The following LRRTM4 variants were observed in gnomAD, a reference collection of about 807,000 sequenced individuals.
LRRTM4 encodes the protein leucine-rich repeat transmembrane neuronal protein 4.
A neutral mutation model predicts 47.6 loss-of-function variants in LRRTM4; 25 were observed. The observed-to-expected ratio is 0.53, with a 90% CI of 0.38 to 0.73. The LOEUF is 0.73. Ranked by LOEUF, LRRTM4 falls within the 30% of genes least tolerant of loss-of-function variation. LRRTM4 has a pLI of 0.00. For missense variants in LRRTM4, 638 were observed against 713.4 expected, an observed-to-expected ratio of 0.89 and a Z score of 1.20; for synonymous variants, 311 against 269.5, an observed-to-expected ratio of 1.15 and a Z score of -1.51.
intron 3 of LRRTM4, among the ~76,000 whole-genome samples, chr2:76,930,063 G>C (rs1486074432): frequency 6.6e-6 from 1 of 152,010 alleles, no homozygotes; most frequent in Non-Finnish European, 1.5e-5. Flanking sequence ...TCTGCAGAAA[G>C]ATTGGAGATC....
At chr2:77,200,935 A>G (rs936478594) in intron 3 of LRRTM4, among the ~76,000 whole-genome samples, 3 of 152,118 alleles carry the variant, frequency 2.0e-5, no homozygotes, top group African/African-American at 7.2e-5. Context: ...CATGCCCACC[A>G]CTAGCCAAAA....
intron 3 of LRRTM4, among the ~76,000 whole-genome samples, chr2:77,053,720 T>C (rs750576458): frequency 2.5e-4 from 38 of 152,128 alleles, no homozygotes; most frequent in African/African-American, 7.2e-4. Context: ...AAAAGGAACA[T>C]TGGGTACACA....
At chr2:77,511,348 A>C (rs530044438) in intron 3 of LRRTM4, among the ~76,000 whole-genome samples, 2 of 152,168 alleles carry the variant, frequency 1.3e-5, no homozygotes, top group East Asian at 3.9e-4. Flanking sequence ...AGAAATATTT[A>C]TAGAAGATAC....
intron 3 of LRRTM4, among the ~76,000 whole-genome samples, chr2:76,875,798 T>C (rs1211766298): frequency 6.6e-6 from 1 of 152,162 alleles, no homozygotes; most frequent in Non-Finnish European, 1.5e-5. Context: ...TTGCTAGTCA[T>C]TTCATATCCT....
chr2:77,321,554 G>A lies in LRRTM4; in HGVS notation c.1551+196764C>T, dbSNP rs1024273475. Among the ~76,000 whole-genome samples the A allele has an allele frequency of 2.1e-4, 20 of 94,062 alleles. 1 individual carries two copies. The highest frequency in any genetic ancestry group is 1.7e-3 in the South Asian group (4 of 2,420). 61.7% of individuals were successfully genotyped at this position (94,062 alleles called of 152,430 possible). ...AATAAGTGTTGGCTAAATCGGGGAG[G>A]GGGGGGGGTGTGTGAAAGAAAAGAA... On this transcript the variant is annotated intron_variant, in intron 3 of 3. Coordinates refer to ENST00000409884, the MANE Select transcript of LRRTM4 (RefSeq NM_001134745.3).
intron 3 of LRRTM4, among the ~76,000 whole-genome samples, chr2:76,880,678 G>C (rs1390360380): frequency 6.6e-6 from 1 of 152,112 alleles, no homozygotes; most frequent in Non-Finnish European, 1.5e-5. Flanking sequence ...GAAGAAGTCA[G>C]GTGTTTCAAA....
intron 3 of LRRTM4, among the ~76,000 whole-genome samples, chr2:77,277,232 T>C (rs917928582): frequency 1.3e-5 from 2 of 152,052 alleles, no homozygotes; most frequent in Non-Finnish European, 2.9e-5. Context: ...ACAGAGGACA[T>C]AATTTCTGAG....
intron 3 of LRRTM4, among the ~76,000 whole-genome samples, chr2:77,457,028 A>G (rs1477958195): frequency 8.4e-5 from 2 of 23,674 alleles, no homozygotes; most frequent in Admixed American, 4.3e-4. Context: ...ATATATATAT[A>G]TATATATATA....
intron 3 of LRRTM4, among the ~76,000 whole-genome samples, chr2:76,892,401 T>C (rs1427017821): frequency 1.3e-5 from 2 of 151,776 alleles, no homozygotes; most frequent in Non-Finnish European, 3.0e-5. Flanking sequence ...ATTACTATTA[T>C]TTTAGAAACA....
At chr2:77,130,984 G>A (rs1299030102) in intron 3 of LRRTM4, among the ~76,000 whole-genome samples, 5 of 146,630 alleles carry the variant, frequency 3.4e-5, no homozygotes, top group East Asian at 2.0e-4. Context: ...ACAGGCGCCC[G>A]CCACTACGCC....
chr2:77,411,962 T>G (rs1674459318), intron 3 of LRRTM4, among the ~76,000 whole-genome samples: 1 of 152,178 alleles, frequency 6.6e-6, no homozygotes, highest in African/African-American at 2.4e-5. Context: ...TGCTTTCCTC[T>G]TGCTTCTCTC....
intron 3 of LRRTM4, among the ~76,000 whole-genome samples, chr2:76,861,705 T>C (rs1014904110): frequency 2.6e-5 from 4 of 152,156 alleles, no homozygotes; most frequent in Non-Finnish European, 5.9e-5. Context: ...CTTAATATAA[T>C]GCAATAATCC....
chr2:77,435,727 C>T (rs1675566312), intron 3 of LRRTM4, among the ~76,000 whole-genome samples: 1 of 152,090 alleles, frequency 6.6e-6, no homozygotes, highest in South Asian at 2.1e-4. Context: ...TTCCTCAATT[C>T]AAGATGTTAA....
chr2:77,158,954 A>T (rs1005242795), intron 3 of LRRTM4, among the ~76,000 whole-genome samples: 2 of 152,148 alleles, frequency 1.3e-5, no homozygotes, highest in Non-Finnish European at 2.9e-5. Context: ...TCACTCCGTG[A>T]ATATTCTTGA....
In LRRTM4 at chr2:77,247,858, T is replaced by A. The variant is rs149482307; in HGVS notation, c.1551+270460A>T. Among the ~76,000 whole-genome samples the A allele has an allele frequency of 4.4e-3, 670 of 151,834 alleles. 4 individuals carry two copies. Among genetic ancestry groups the A allele is most frequent in the African/African-American group, 0.015 (639 of 41,512 alleles). On this transcript the variant is annotated intron_variant, in intron 3 of 3. Transcript: ENST00000409884. ...TTGCACTTTTATATTTAGTTCTTCATGTAAATGCAATTGATGATTTTAAAA... is the reference window on the plus strand; with the variant it reads ...TTGCACTTTTATATTTAGTTCTTCAAGTAAATGCAATTGATGATTTTAAAA...
intron 3 of LRRTM4, among the ~76,000 whole-genome samples, chr2:77,054,058 G>A (rs1350619096): frequency 6.6e-6 from 1 of 152,114 alleles, no homozygotes; most frequent in Admixed American, 6.6e-5. Context: ...ATGAAATCTG[G>A]CTTTGAATAG....
intron 3 of LRRTM4, among the ~76,000 whole-genome samples, chr2:77,392,859 T>A (rs540957947): frequency 2.0e-5 from 3 of 152,144 alleles, no homozygotes; most frequent in African/African-American, 4.8e-5. Context: ...ACTGCTAAGA[T>A]AGTAGATTTT....
intron 3 of LRRTM4, among the ~76,000 whole-genome samples, chr2:77,299,639 A>C (rs1479497204): frequency 6.6e-6 from 1 of 152,132 alleles, no homozygotes; most frequent in Non-Finnish European, 1.5e-5. Flanking sequence ...AGAATGAAGG[A>C]AAAATGAAAG....
At chr2:77,017,878 T>G (rs943604513) in intron 3 of LRRTM4, among the ~76,000 whole-genome samples, 1 of 150,978 alleles carries the variant, frequency 6.6e-6, no homozygotes, top group African/African-American at 2.4e-5. Flanking sequence ...ACCCAAAAAT[T>G]ATATATTAGA....
Sources: allele counts gnomAD v4.1 joint callset (sites outside exome capture counted in the v4.1 genomes callset), GRCh38; gene constraint gnomAD v4.1.1; transcripts MANE v1.5; gene names NCBI Gene and HGNC (gene_info 2026-07-23, HGNC 2026-07-21).